The following INO80 variants were observed in gnomAD, a reference collection of about 807,000 sequenced individuals.
The protein encoded by INO80 is chromatin-remodeling ATPase INO80.
In INO80, 20 loss-of-function variants were observed where a neutral mutation model predicts 203.4. The ratio of observed to expected loss-of-function variants is 0.10; its 90% CI spans 0.07 to 0.14. The LOEUF is 0.14. Ranked by LOEUF, INO80 falls within the 10% of genes least tolerant of loss-of-function variation. The pLI, the probability that INO80 is intolerant of heterozygous loss-of-function variation, is 1.00. For synonymous variants in INO80, 726 were observed against 685.2 expected, an observed-to-expected ratio of 1.06 and a Z score of -0.93; for missense variants, 1,419 against 1,914.4, an observed-to-expected ratio of 0.74 and a Z score of 4.83.
intron 26 of INO80, among the ~76,000 whole-genome samples, chr15:41,019,969 C>A (rs759518919): frequency 6.6e-6 from 1 of 152,182 alleles, no homozygotes; most frequent in African/African-American, 2.4e-5. Flanking sequence ...CGCCTGTAAT[C>A]CCAGCACTTT....
chr15:40,996,362 G>A (rs1203541043), intron 29 of INO80, among the ~76,000 whole-genome samples: 1 of 151,984 alleles, frequency 6.6e-6, no homozygotes, highest in African/African-American at 2.4e-5. Flanking sequence ...TCACTCTGTC[G>A]CCCAGAGTGG....
At chr15:41,001,609 G>T (rs914729245) in intron 28 of INO80, among the ~76,000 whole-genome samples, 1 of 152,206 alleles carries the variant, frequency 6.6e-6, no homozygotes, top group Non-Finnish European at 1.5e-5. Flanking sequence ...GGAAGCAAAG[G>T]CCAAAGCACC....
At position 41,116,196 on chromosome 15, in the gene INO80, G is replaced by A; in HGVS notation, c.-267C>T. On this transcript the variant is annotated 5_prime_UTR_variant, in exon 1 of 36. Coordinates refer to ENST00000648947, the MANE Select transcript of INO80 (RefSeq NM_017553.3). ...CTGAGGCGGCTGCGGGCGCTGGGCC[G>A]GCGGCGGCGGCGGCCACTTTCACTC... is the stretch of plus-strand genomic sequence containing the variant. 1 of 408,364 alleles carries A rather than the reference G, an allele frequency of 2.4e-6. No homozygotes were observed. The highest frequency in any genetic ancestry group is 4.3e-6 in the Non-Finnish European group (1 of 234,716). 25.3% of individuals were successfully genotyped at this position (408,364 alleles called of 1,614,324 possible). A position where few individuals can be genotyped will look rare whatever the true frequency, so the allele number is the denominator to read the frequency against.
intron 24 of INO80, among the ~76,000 whole-genome samples, chr15:41,031,755 G>A (rs1037652259): frequency 2.0e-5 from 3 of 151,908 alleles, no homozygotes; most frequent in Admixed American, 6.6e-5. Context: ...TCATTACCCC[G>A]GAAGCACTGG....
At chr15:41,103,706 G>C (rs1479021043) in intron 1 of INO80, among the ~76,000 whole-genome samples, 1 of 151,974 alleles carries the variant, frequency 6.6e-6, no homozygotes, top group Non-Finnish European at 1.5e-5. Context: ...TCATCATTCT[G>C]ATTATGCCAT....
intron 1 of INO80, among the ~76,000 whole-genome samples, chr15:41,104,695 A>AT (rs1336163321): frequency 5.6e-4 from 85 of 151,938 alleles, no homozygotes; most frequent in African/African-American, 2.0e-3. Flanking sequence ...GAGCCACCAC[A>AT]CCTGGCTAAT....
chr15:41,075,377 T>A (rs1462356884), intron 9 of INO80, among the ~76,000 whole-genome samples: 1 of 152,054 alleles, frequency 6.6e-6, no homozygotes, highest in Non-Finnish European at 1.5e-5. Context: ...GTTCAAGTGA[T>A]TCTCCTGCCT....
chr15:41,091,928 A>T (rs1359069489), intron 5 of INO80, 99 bp downstream of exon 5: 7 of 961,354 alleles, frequency 7.3e-6, no homozygotes, highest in African/African-American at 1.6e-5. Flanking sequence ...CTGGGATTAT[A>T]GGTGTGAGCC....
At chr15:41,108,352 G>A (rs542415863) in intron 1 of INO80, among the ~76,000 whole-genome samples, 9 of 152,208 alleles carry the variant, frequency 5.9e-5, no homozygotes, top group African/African-American at 2.2e-4. Context: ...CACTTTGGGA[G>A]GCCGAGGCAG....
At chr15:41,090,678 G>C (rs1388597439) in intron 5 of INO80, among the ~76,000 whole-genome samples, 1 of 152,064 alleles carries the variant, frequency 6.6e-6, no homozygotes, top group Non-Finnish European at 1.5e-5. Context: ...TTTATGAGGT[G>C]ATGCAAATGT....
intron 27 of INO80, among the ~76,000 whole-genome samples, chr15:41,013,588 A>G (rs1373445510): frequency 6.6e-6 from 1 of 152,248 alleles, no homozygotes; most frequent in Non-Finnish European, 1.5e-5. Flanking sequence ...TTGTAATTCC[A>G]TGCTCATAAA....
chr15:41,092,558 T>C (rs1339755447), intron 4 of INO80, among the ~76,000 whole-genome samples: 1 of 151,992 alleles, frequency 6.6e-6, no homozygotes, highest in East Asian at 1.9e-4. Flanking sequence ...CAAGCTGTAA[T>C]GGCCCAAAAG....
intron 1 of INO80, among the ~76,000 whole-genome samples, chr15:41,101,744 G>T (rs2045810657): frequency 6.6e-6 from 1 of 151,792 alleles, no homozygotes; most frequent in African/African-American, 2.4e-5. Flanking sequence ...TAGAGACGGG[G>T]TTTCACTGTG....
intron 24 of INO80, among the ~76,000 whole-genome samples, chr15:41,044,447 A>C (rs1331172288): frequency 1.3e-5 from 2 of 152,258 alleles, no homozygotes; most frequent in Non-Finnish European, 1.5e-5. Flanking sequence ...AAAAGAGTAC[A>C]TACAAGATAA....
chr15:41,043,588 A>C (rs191618992), intron 24 of INO80, among the ~76,000 whole-genome samples: 34 of 152,354 alleles, frequency 2.2e-4, no homozygotes, highest in Non-Finnish European at 5.9e-5. Flanking sequence ...CAAATACTGA[A>C]TGAGCTAGCC....
intron 23 of INO80, among the ~76,000 whole-genome samples, chr15:41,046,206 CAT>C (rs1160486459): frequency 9.7e-4 from 14 of 14,408 alleles, no homozygotes; most frequent in Middle Eastern, 0.05. Context: ...CGTATACATA[CAT>C]ATATATATAT....
rs1251523696 is a variant in INO80, at chr15:41,092,145, G to A, written c.419C>T (p.Ser140Phe). The change falls in exon 5 of 36, where the codon TCT (serine) becomes TTT (phenylalanine). Residue 140 changes from serine (S) to phenylalanine (F), a missense_variant. Ser to Phe is a radical substitution (Grantham distance 155). Transcript: ENST00000648947. ...TTCTTCATCATCGTCTTCACTCTGA[G>A]AATCAGCCTCGCTGGATTCATCACT... is the stretch of plus-strand genomic sequence containing the variant. Reference protein sequence around the residue: ...LLSDESSEADSQSEDDDEEEL... With the variant: ...LLSDESSEADFQSEDDDEEEL... The A allele has an allele frequency of 6.2e-7, 1 of 1,609,434 alleles. No homozygotes were observed. The highest frequency in any genetic ancestry group is 8.5e-7 in the Non-Finnish European group (1 of 1,176,298).
Position 41,063,864 on chromosome 15 carries a change from G to A in INO80, c.1783-3938C>T, listed in dbSNP as rs765949992. ...TTAAGCAAAGACGCCCTCACATTCT[G>A]TATTCAGAAAAAAATTAAAGAAAAA... On this transcript the variant is annotated intron_variant, in intron 14 of 35. Coordinates refer to ENST00000648947, the MANE Select transcript of INO80 (RefSeq NM_017553.3). 2.3e-4 allele frequency among the ~76,000 whole-genome samples: 35 copies of A among 152,118 alleles called. No individual in the cohort carries two copies. In the Middle Eastern group the frequency reaches 0.01, roughly 44 times the overall value.
rs762437075 is a variant in INO80 at position 41,045,075 on chromosome 15, T to G, written c.2736A>C (p.Arg912Ser). The G allele has an allele frequency of 6.3e-7, 1 of 1,598,148 alleles. No individual in the cohort carries two copies. Among genetic ancestry groups the G allele is most frequent in the Non-Finnish European group, 8.5e-7 (1 of 1,175,860 alleles). The change falls in exon 24 of 36, where the codon AGA becomes AGC. Residue 912 changes from arginine to serine, a missense_variant and splice_region_variant. Transcript: ENST00000648947. ...TCAGAGACAGGAAAAGAGCTAACCA[T>G]CTGAAACAAACCACAGCAGACACGC... Reference protein sequence around the residue: ...ANLMLQGLLARWLALFLSLKA... With the variant: ...ANLMLQGLLASWLALFLSLKA...
Sources: allele counts gnomAD v4.1 joint callset (sites outside exome capture counted in the v4.1 genomes callset), GRCh38; gene constraint gnomAD v4.1.1; transcripts MANE v1.5; gene names NCBI Gene and HGNC (gene_info 2026-07-23, HGNC 2026-07-21).